GABRR2: variants seen among roughly 807,000 people sequenced by gnomAD.
The protein encoded by GABRR2 is gamma-aminobutyric acid type A receptor subunit rho2.
Under a neutral mutation model 47.0 loss-of-function variants are expected in GABRR2, and 36 were observed. The observed-to-expected ratio is 0.77, with a 90% CI of 0.59 to 1.01. The LOEUF (loss-of-function observed/expected upper bound fraction) is 1.01. Ranked by LOEUF, GABRR2 falls within the 50% of genes least tolerant of loss-of-function variation. The pLI is 0.00. For missense variants in GABRR2, 587 were observed against 594.6 expected (o/e 0.99, Z 0.13); for synonymous variants, 204 against 227.5 (o/e 0.90, Z 0.93).
Position 89,291,145 on chromosome 6 carries a change from G to T in GABRR2, c.220+8614C>A, listed in dbSNP as rs539361950. Among the ~76,000 whole-genome samples the T allele has an allele frequency of 3.0e-4, 46 of 152,250 alleles. No individual in the cohort carries two copies. In the South Asian group the frequency reaches 9.3e-3, roughly 31 times the overall value. On this transcript the variant is annotated intron_variant, in intron 2 of 8. Coordinates refer to ENST00000402938, the MANE Select transcript of GABRR2 (RefSeq NM_002043.5). The stretch of plus-strand genomic sequence containing the variant: ...CTCAGGAGGTGCCCTAGGTTCCTCT[G>T]ATTCTGTGGGATACCAAGACCTGGC...
chr6:89,302,889 G>A, intron 1 of GABRR2: 1 of 1,221,570 alleles, frequency 8.2e-7, no homozygotes, highest in Non-Finnish European at 1.2e-6. Flanking sequence ...GGGCATCCAG[G>A]AGCTGTTCAA....
intron 2 of GABRR2, among the ~76,000 whole-genome samples, chr6:89,295,775 T>G (rs922841453): frequency 1.3e-5 from 2 of 152,058 alleles, no homozygotes; most frequent in Non-Finnish European, 2.9e-5. Context: ...AACATTTAAG[T>G]CTTTAATCCA....
chr6:89,285,307 C>T (rs943768641), intron 2 of GABRR2, among the ~76,000 whole-genome samples: 1 of 152,214 alleles, frequency 6.6e-6, no homozygotes, highest in Admixed American at 6.5e-5. Context: ...GCTGCATGTT[C>T]CTTTCCTCAA....
chr6:89,265,764 G>C lies in GABRR2; in HGVS notation c.738C>G (p.Gly246=), dbSNP rs1232429897. 1 of 1,613,766 alleles carries C rather than the reference G, an allele frequency of 6.2e-7. No individual in the cohort carries two copies. Among genetic ancestry groups the C allele is most frequent in the Admixed American group, 1.7e-5 (1 of 59,982 alleles). ...TSRLAFYSST[G]WYNRLYINFT... is the part of the protein sequence containing the mutation. ...AGTTAATGTACAGACGGTTGTACCA[G>C]CCTAGGGGATGCAGGAAGAAGCCAA... The change falls in exon 7 of 9, where the codon GGC becomes GGG. Residue 246 remains glycine, a splice_region_variant and synonymous_variant. Coordinates refer to ENST00000402938, the MANE Select transcript of GABRR2 (RefSeq NM_002043.5).
At chr6:89,289,493 T>A (rs1774398752) in intron 2 of GABRR2, among the ~76,000 whole-genome samples, 1 of 152,198 alleles carries the variant, frequency 6.6e-6, no homozygotes, top group African/African-American at 2.4e-5. Context: ...AACTTGAATT[T>A]GAATTCTGAT....
At position 89,255,228 on chromosome 6, in the gene GABRR2, G is replaced by A. The variant is rs1040210726; in HGVS notation, c.*2442C>T. ...GAGGCAGGCGGATCACCTGAGGTCA[G>A]GAGTTCAAGACCAGGCTGACTAACA... is the stretch of plus-strand genomic sequence containing the variant. On this transcript the variant is annotated 3_prime_UTR_variant, in exon 9 of 9. Coordinates refer to ENST00000402938, the MANE Select transcript of GABRR2 (RefSeq NM_002043.5). 1.3e-4 allele frequency among the ~76,000 whole-genome samples: 20 copies of A among 152,128 alleles called. 1 individual carries two copies. Among genetic ancestry groups the A allele is most frequent in the Admixed American group, 1.3e-3 (20 of 15,272 alleles).
chr6:89,291,898 C>T (rs915706795), intron 2 of GABRR2, among the ~76,000 whole-genome samples: 3 of 152,140 alleles, frequency 2.0e-5, no homozygotes, highest in African/African-American at 4.8e-5. Context: ...TCCCTTGTGC[C>T]CCTGATCAGA....
rs778154663 is a variant in GABRR2 at position 89,268,007 on chromosome 6, T to C, written c.595+7A>G. On this transcript the variant is annotated splice_region_variant and intron_variant, in intron 5 of 8. Transcript: ENST00000402938. ...AAAGTGAAGGAATTAGGAATGCTGATACTTACAGCTCTCCAGCTCCAAAGA... is the reference window on the plus strand; with the variant it reads ...AAAGTGAAGGAATTAGGAATGCTGACACTTACAGCTCTCCAGCTCCAAAGA... The C allele has an allele frequency of 7.5e-6, 12 of 1,609,320 alleles. No homozygotes were observed. In the East Asian group the frequency reaches 1.1e-4, roughly 15 times the overall value.
At chr6:89,264,037 G>A (rs1773817630) in intron 8 of GABRR2, among the ~76,000 whole-genome samples, 1 of 152,152 alleles carries the variant, frequency 6.6e-6, no homozygotes, top group Non-Finnish European at 1.5e-5. Context: ...GATAGTGAGA[G>A]TTTGTTTGTC....
At chr6:89,310,704 G>A (rs187038336) in intron 1 of GABRR2, among the ~76,000 whole-genome samples, 1 of 151,582 alleles carries the variant, frequency 6.6e-6, no homozygotes, top group East Asian at 1.9e-4. Flanking sequence ...AAGTGGCGTA[G>A]GTTGAAGAAT....
chr6:89,303,891 C>G (rs59712516), intron 1 of GABRR2, among the ~76,000 whole-genome samples: 1 of 152,068 alleles, frequency 6.6e-6, no homozygotes, highest in Non-Finnish European at 1.5e-5. Flanking sequence ...TTATGAGAAC[C>G]GGCTAGCCAT....
intron 8 of GABRR2, among the ~76,000 whole-genome samples, chr6:89,261,766 G>A (rs534363665): frequency 2.9e-4 from 44 of 152,234 alleles, no homozygotes; most frequent in Non-Finnish European, 5.7e-4. Context: ...GGGCTGGTGC[G>A]GTGGTTCATG....
At chr6:89,305,784 C>T (rs1767548521) in intron 1 of GABRR2, among the ~76,000 whole-genome samples, 1 of 152,092 alleles carries the variant, frequency 6.6e-6, no homozygotes, top group African/African-American at 2.4e-5. Flanking sequence ...ACAAAAGACA[C>T]TGGGGCCTAC....
chr6:89,315,248 T>A lies in GABRR2; in HGVS notation c.-83A>T. On this transcript the variant is annotated 5_prime_UTR_variant, in exon 1 of 9. An upstream start codon of the reference 5' UTR is lost. Coordinates refer to ENST00000402938, the MANE Select transcript of GABRR2 (RefSeq NM_002043.5). ...CCCCCCTGGCTTGACCATTGATCCA[T>A]CTGCTGCCTCCTGACGGGCTGCTCT... 1 of 1,602,650 alleles carries A rather than the reference T, an allele frequency of 6.2e-7. No homozygotes were observed. Among genetic ancestry groups the A allele is most frequent in the Middle Eastern group, 1.7e-4 (1 of 5,912 alleles).
chr6:89,276,145 T>C (rs554962004), intron 2 of GABRR2, among the ~76,000 whole-genome samples: 1 of 147,478 alleles, frequency 6.8e-6, no homozygotes, highest in African/African-American at 2.5e-5. Context: ...CATTATAAAT[T>C]ATTATTTATA....
chr6:89,306,074 A>ATT lies in GABRR2; in HGVS notation c.114-6211_114-6210dup, dbSNP rs11427317. 4.2e-3 allele frequency among the ~76,000 whole-genome samples: 620 copies of ATT among 148,646 alleles called. 4 individuals are homozygous for ATT. Among genetic ancestry groups the ATT allele is most frequent in the Middle Eastern group, 3.5e-3 (1 of 288 alleles). ...TTGTGTTGAGTACTGGAAGATCATG[A>ATT]TTTTTTTTTTTTAATTTCTTGGCCG... is the stretch of plus-strand genomic sequence containing the variant. On this transcript the variant is annotated intron_variant, in intron 1 of 8. Coordinates refer to ENST00000402938, the MANE Select transcript of GABRR2 (RefSeq NM_002043.5).
chr6:89,314,928 T>G, intron 1 of GABRR2, 125 bp downstream of exon 1: 1 of 779,380 alleles, frequency 1.3e-6, no homozygotes, highest in Non-Finnish European at 2.1e-6. Flanking sequence ...GTGAAGTAGC[T>G]GGGTTCTCAT....
At chr6:89,301,990 C>T (rs564080794) in intron 1 of GABRR2, 165 of 747,762 alleles carry the variant, frequency 2.2e-4, no homozygotes, top group Admixed American at 4.5e-4. Flanking sequence ...ACCTGGAGCC[C>T]GGGACCATGG....
intron 2 of GABRR2, among the ~76,000 whole-genome samples, chr6:89,280,253 T>TATACACAC (rs1242640059): frequency 3.2e-5 from 4 of 124,782 alleles, no homozygotes; most frequent in African/African-American, 6.3e-5. Flanking sequence ...TATATATATA[T>TATACACAC]ACATACATAT....
Sources: gnomAD v4.1 joint callset for allele counts (sites outside exome capture counted in the v4.1 genomes callset) on GRCh38, gnomAD v4.1.1 for gene constraint, MANE v1.5 for transcripts, NCBI Gene and HGNC (gene_info 2026-07-23, HGNC 2026-07-21) for gene names.